NRXN3: variants seen among roughly 807,000 people sequenced by gnomAD.
NRXN3 encodes neurexin III.
NRXN3 carries 32 observed loss-of-function variants against 137.6 expected under a neutral mutation model. The observed-to-expected ratio is 0.23, with a 90% CI of 0.18 to 0.31. NRXN3 has a LOEUF of 0.31. NRXN3 is among the 10% of genes least tolerant of loss of function. NRXN3 has a pLI of 1.00. For missense variants in NRXN3, 1,574 were observed against 2,062.5 expected (o/e 0.76, Z 4.59); for synonymous variants, 798 against 784.5 (o/e 1.02, Z -0.29).
intron 6 of NRXN3, among the ~76,000 whole-genome samples, chr14:78,692,758 TTGC>T (rs1197013824): frequency 3.9e-5 from 6 of 152,326 alleles, no homozygotes; most frequent in African/African-American, 1.4e-4. Flanking sequence ...TATAGAATTG[TTGC>T]GATAATTTCA....
chr14:79,510,281 C>T (rs556275480), intron 16 of NRXN3, among the ~76,000 whole-genome samples: 1 of 152,284 alleles, frequency 6.6e-6, no homozygotes, highest in East Asian at 1.9e-4. Context: ...TGGAGATACA[C>T]TGTATGCCAT....
At chr14:78,407,442 C>A (rs73316045) in intron 4 of NRXN3, among the ~76,000 whole-genome samples, 2 of 152,108 alleles carry the variant, frequency 1.3e-5, no homozygotes, top group Admixed American at 1.3e-4. Flanking sequence ...GTTATTCTAG[C>A]AAAGAAACCT....
At chr14:79,061,218 T>A (rs1298047623) in intron 15 of NRXN3, among the ~76,000 whole-genome samples, 1 of 152,220 alleles carries the variant, frequency 6.6e-6, no homozygotes, top group African/African-American at 2.4e-5. Flanking sequence ...TCTTTGTTCA[T>A]ATGAAACTAT....
At chr14:78,640,478 C>G (rs2097613060) in intron 4 of NRXN3, among the ~76,000 whole-genome samples, 1 of 152,168 alleles carries the variant, frequency 6.6e-6, no homozygotes, top group Non-Finnish European at 1.5e-5. Context: ...TTTCCCCACA[C>G]TTCTTAGATT....
chr14:78,957,272 A>G lies in NRXN3; in HGVS notation c.2306A>G (p.Gln769Arg), dbSNP rs1567816556. 6.2e-7 allele frequency: 1 copy of G among 1,614,156 alleles called. No individual in the cohort carries two copies. The highest frequency in any genetic ancestry group is 2.2e-5 in the East Asian group (1 of 44,868). Residue 769 changes from glutamine (Q) to arginine (R), a missense_variant, in exon 11 of 21, where the codon CAG becomes CGG. Gln to Arg is a conservative substitution (Grantham distance 43). Coordinates refer to ENST00000335750, the MANE Select transcript of NRXN3 (RefSeq NM_001330195.2). The stretch of plus-strand genomic sequence containing the variant: ...GGACCAGAGACCTTGTATGCAGGGC[A>G]GAAGCTCAATGACAACGAGTGGCAC... ...SKGPETLYAGQKLNDNEWHTV... is the reference protein window; with the variant it reads ...SKGPETLYAGRKLNDNEWHTV...
chr14:79,351,224 G>T (rs1046484948), intron 15 of NRXN3, among the ~76,000 whole-genome samples: 11 of 152,134 alleles, frequency 7.2e-5, no homozygotes, highest in African/African-American at 2.2e-4. Context: ...GAGGATATTT[G>T]CATTTAACTG....
chr14:78,775,012 T>G (rs1403896209), intron 8 of NRXN3, among the ~76,000 whole-genome samples: 1 of 152,198 alleles, frequency 6.6e-6, no homozygotes, highest in Non-Finnish European at 1.5e-5. Context: ...CTACCATCCA[T>G]GTTCTCAACC....
At chr14:78,532,328 AAAAAAAAAAG>A (rs1165664959) in intron 4 of NRXN3, among the ~76,000 whole-genome samples, 9 of 149,912 alleles carry the variant, frequency 6.0e-5, no homozygotes, top group African/African-American at 2.0e-4. Context: ...TCTCAAAAGA[AAAAAAAAAAG>A]AAAAGAAAAG....
intron 15 of NRXN3, among the ~76,000 whole-genome samples, chr14:79,047,970 AAAATGTTCACATTAGCTCTT>A (rs1224413191): frequency 6.6e-6 from 1 of 152,218 alleles, no homozygotes; most frequent in East Asian, 1.9e-4. Context: ...CAATGACATA[AAAATGTTCACATTAGCTCTT>A]TAATAGTCTC....
At chr14:79,581,924 A>G (rs2097720311) in intron 16 of NRXN3, among the ~76,000 whole-genome samples, 1 of 151,966 alleles carries the variant, frequency 6.6e-6, no homozygotes, top group Non-Finnish European at 1.5e-5. Flanking sequence ...TCAGGAAGTA[A>G]TTTTTTTATT....
intron 16 of NRXN3, among the ~76,000 whole-genome samples, chr14:79,656,410 G>A (rs1483209194): frequency 6.6e-6 from 1 of 152,124 alleles, no homozygotes; most frequent in Non-Finnish European, 1.5e-5. Context: ...CATGACATTG[G>A]GGTCTGTGAA....
chr14:79,775,361 AC>A (rs2099093410), intron 19 of NRXN3, among the ~76,000 whole-genome samples: 2 of 151,994 alleles, frequency 1.3e-5, no homozygotes, highest in South Asian at 2.1e-4. Flanking sequence ...TATACACCAA[AC>A]CCAGAATCAA....
chr14:78,568,745 T>C (rs1326676995), intron 4 of NRXN3, among the ~76,000 whole-genome samples: 1 of 152,114 alleles, frequency 6.6e-6, no homozygotes, highest in Admixed American at 6.5e-5. Context: ...GAGCTAAATA[T>C]TTTTTCCTAA....
intron 16 of NRXN3, among the ~76,000 whole-genome samples, chr14:79,536,982 G>A (rs1409050865): frequency 6.6e-6 from 1 of 152,050 alleles, no homozygotes; most frequent in East Asian, 1.9e-4. Context: ...TCTTGTAATA[G>A]GATTGCTGGG....
Position 78,282,440 on chromosome 14 carries a change from C to T in NRXN3, c.727+3778C>T, listed in dbSNP as rs1439684541. ...TGGTGCTCCAATGACAGCCTCTCTC[C>T]TCCGAAGGGATAATTTCTCAGGCTC... On this transcript the variant is annotated intron_variant, in intron 3 of 20. Transcript: ENST00000335750. 1.2e-5 allele frequency: 3 copies of T among 256,402 alleles called. No individual in the cohort carries two copies. The Admixed American group carries it at 1.4e-4, about 12-fold the overall frequency. 15.9% of individuals were successfully genotyped at this position (256,402 alleles called of 1,614,324 possible).
At chr14:79,803,987 A>G (rs1166547243) in intron 19 of NRXN3, among the ~76,000 whole-genome samples, 1 of 148,850 alleles carries the variant, frequency 6.7e-6, no homozygotes. Context: ...ATGTGTATAT[A>G]TATATGTATG....
At chr14:78,280,266 T>TATGCTTTATATGCATACATATATACAC (rs1254523309) in intron 3 of NRXN3, among the ~76,000 whole-genome samples, 3 of 152,200 alleles carry the variant, frequency 2.0e-5, no homozygotes, top group African/African-American at 7.2e-5. Flanking sequence ...TATATATACA[T>TATGCTTTATATGCATACATATATACAC]ATGCTTTATA....
chr14:79,423,684 A>G (rs533191644), intron 15 of NRXN3, among the ~76,000 whole-genome samples: 3 of 152,282 alleles, frequency 2.0e-5, no homozygotes, highest in African/African-American at 7.2e-5. Context: ...TCGCCTCACA[A>G]TCAGGCCAAT....
At chr14:79,066,312 T>TA (rs1248739714) in intron 15 of NRXN3, among the ~76,000 whole-genome samples, 1 of 152,146 alleles carries the variant, frequency 6.6e-6, no homozygotes, top group African/African-American at 2.4e-5. Context: ...TGTGCGGTCT[T>TA]ATGTCTGAGT....
Sources: allele counts gnomAD v4.1 joint callset (sites outside exome capture counted in the v4.1 genomes callset), GRCh38; gene constraint gnomAD v4.1.1; transcripts MANE v1.5; gene names NCBI Gene and HGNC (gene_info 2026-07-23, HGNC 2026-07-21).